The following MICU1 variants were observed in gnomAD, a reference collection of about 807,000 sequenced individuals.
MICU1 encodes mitochondrial calcium uptake 1, also known as calcium uptake protein 1, mitochondrial.
MICU1 carries 45 observed loss-of-function variants against 56.8 expected under a neutral mutation model. The observed-to-expected ratio is 0.79, with a 90% CI of 0.62 to 1.02. The LOEUF is 1.02. MICU1 is among the 50% of genes least tolerant of loss of function. The pLI is 0.00. For missense variants in MICU1, 504 were observed against 587.1 expected, an observed-to-expected ratio of 0.86 and a Z score of 1.46; for synonymous variants, 186 against 195.1, an observed-to-expected ratio of 0.95 and a Z score of 0.39.
chr10:72,529,686 C>T (rs766984512), intron 5 of MICU1, among the ~76,000 whole-genome samples: 1 of 151,920 alleles, frequency 6.6e-6, no homozygotes, highest in Non-Finnish European at 1.5e-5. Flanking sequence ...AAGAAGGCTA[C>T]AAACCACTTG....
At chr10:72,431,561 G>T (rs539046482) in intron 8 of MICU1, among the ~76,000 whole-genome samples, 1 of 152,162 alleles carries the variant, frequency 6.6e-6, no homozygotes, top group Non-Finnish European at 1.5e-5. Context: ...CAAGAGTTCT[G>T]AGACTAGGGT....
At chr10:72,440,854 C>A (rs1331698550) in intron 8 of MICU1, among the ~76,000 whole-genome samples, 2 of 152,124 alleles carry the variant, frequency 1.3e-5, no homozygotes, top group East Asian at 3.8e-4. Context: ...AATGAGATAC[C>A]ATCTCATGCC....
rs187702422 is a variant in MICU1 at position 72,419,892 on chromosome 10, T to C, written c.1071+3342A>G. Among the ~76,000 whole-genome samples the C allele has an allele frequency of 1.0e-3, 158 of 152,262 alleles. 1 individual carries two copies. Among genetic ancestry groups the C allele is most frequent in the Middle Eastern group, 0.01 (3 of 294 alleles). ...CCCAAATCTCGAATTGTAGCTCCCATAATGCACATGTGTCGTGGAAGGGAC... is the reference window on the plus strand; with the variant it reads ...CCCAAATCTCGAATTGTAGCTCCCACAATGCACATGTGTCGTGGAAGGGAC... On this transcript the variant is annotated intron_variant, in intron 9 of 11. Transcript: ENST00000361114.
chr10:72,575,654 G>A (rs1448756538), intron 1 of MICU1, among the ~76,000 whole-genome samples: 1 of 152,056 alleles, frequency 6.6e-6, no homozygotes, highest in Non-Finnish European at 1.5e-5. Context: ...TCATGATCTA[G>A]GATCAGTGAC....
intron 1 of MICU1, among the ~76,000 whole-genome samples, chr10:72,602,020 G>A (rs182881187): frequency 0.04 from 6,003 of 150,674 alleles, 390 homozygotes; most frequent in African/African-American, 0.13. Flanking sequence ...GGCTGGTCTC[G>A]AACTCCTGAC....
intron 1 of MICU1, among the ~76,000 whole-genome samples, chr10:72,578,768 C>G (rs887439576): frequency 6.6e-6 from 1 of 151,686 alleles, no homozygotes; most frequent in Non-Finnish European, 1.5e-5. Context: ...CCACCACACC[C>G]GGCTAATTTT....
chr10:72,432,945 C>T (rs1158098423), intron 8 of MICU1, among the ~76,000 whole-genome samples: 2 of 152,146 alleles, frequency 1.3e-5, no homozygotes, highest in African/African-American at 4.8e-5. Context: ...GGATCTTCTT[C>T]TTCCTTTATG....
rs1405742135 is a variant in MICU1 at position 72,547,346 on chromosome 10, T to C, written c.493+3833A>G. ...GAGCCACAGTACCCAGCCAATGCTC[T>C]AAATTAAAAGCTCAATGCAATTAAT... On this transcript the variant is annotated intron_variant, in intron 4 of 11. Transcript: ENST00000361114. Among the ~76,000 whole-genome samples, 6 of 152,080 alleles carry C rather than the reference T, an allele frequency of 3.9e-5. No individual in the cohort carries two copies. In the East Asian group the frequency reaches 1.2e-3, roughly 29 times the overall value.
At chr10:72,542,538 C>T (rs1236786747) in intron 4 of MICU1, among the ~76,000 whole-genome samples, 3 of 152,192 alleles carry the variant, frequency 2.0e-5, no homozygotes, top group Non-Finnish European at 4.4e-5. Flanking sequence ...CAGCCAACTG[C>T]TTTTGGGTGC....
intron 1 of MICU1, among the ~76,000 whole-genome samples, chr10:72,578,485 G>A (rs1044568922): frequency 1.3e-5 from 2 of 148,770 alleles, no homozygotes; most frequent in Non-Finnish European, 1.5e-5. Context: ...GGCGGGCCTC[G>A]AATTCCTGAC....
chr10:72,510,658 T>G (rs1867415078), intron 5 of MICU1, among the ~76,000 whole-genome samples: 1 of 151,986 alleles, frequency 6.6e-6, no homozygotes, highest in Non-Finnish European at 1.5e-5. Context: ...TTTATTTTTT[T>G]TTTGAGATGG....
In MICU1 at chr10:72,487,784, G is replaced by C. The variant is rs563268471; in HGVS notation, c.653-10528C>G. 9.2e-5 allele frequency among the ~76,000 whole-genome samples: 14 copies of C among 152,286 alleles called. No individual in the cohort carries two copies. The South Asian group carries it at 2.9e-3, about 32-fold the overall frequency. On this transcript the variant is annotated intron_variant, in intron 6 of 11. Coordinates refer to ENST00000361114, the MANE Select transcript of MICU1 (RefSeq NM_001195518.2). ...TCAACAAACAAGGGCAACTTTGTGA[G>C]AGCTTCAATGGGAAGTCATTAGACG...
chr10:72,474,974 C>G, intron 8 of MICU1, 126 bp downstream of exon 8: 1 of 745,658 alleles, frequency 1.3e-6, no homozygotes, highest in Middle Eastern at 3.6e-4. Flanking sequence ...GTTTATAAAG[C>G]ACTGATAAGC....
chr10:72,423,618 G>A (rs1864250695), intron 8 of MICU1, among the ~76,000 whole-genome samples: 1 of 152,142 alleles, frequency 6.6e-6, no homozygotes, highest in Non-Finnish European at 1.5e-5. Context: ...TAAGGTCTAG[G>A]AAAGATGAGG....
chr10:72,477,523 G>A (rs1162571464), intron 6 of MICU1: 1 of 1,535,590 alleles, frequency 6.5e-7, no homozygotes, highest in East Asian at 2.4e-5. Context: ...TGCCTTAAAT[G>A]ATTTAGCTTT....
chr10:72,569,221 A>T (rs1840529136), intron 1 of MICU1, among the ~76,000 whole-genome samples: 5 of 38,502 alleles, frequency 1.3e-4, no homozygotes, highest in African/African-American at 5.2e-4. Flanking sequence ...ATATATATAT[A>T]TATATATATA....
intron 6 of MICU1, among the ~76,000 whole-genome samples, chr10:72,482,697 T>C (rs1424003529): frequency 6.6e-6 from 1 of 152,002 alleles, no homozygotes; most frequent in African/African-American, 2.4e-5. Flanking sequence ...ATGATGGCCC[T>C]CTGAATACAT....
chr10:72,459,912 CTTTCATACCAATT>C (rs1420603008), intron 8 of MICU1, among the ~76,000 whole-genome samples: 1 of 152,206 alleles, frequency 6.6e-6, no homozygotes. Context: ...GAATTCTACT[CTTTCATACCAATT>C]GCCAAACTGC....
chr10:72,370,846 C>T lies in MICU1; in HGVS notation c.1271-2491G>A, dbSNP rs892392888. Among the ~76,000 whole-genome samples, 9 of 151,690 alleles carry T rather than the reference C, an allele frequency of 5.9e-5. No individual in the cohort carries two copies. In the South Asian group the frequency reaches 1.5e-3, roughly 25 times the overall value. ...CGGAGTTCAAGACCAGCCTGGCCAA[C>T]GTGGTAAACCCTGTCTCTACTAAAA... On this transcript the variant is annotated intron_variant, in intron 11 of 11. Coordinates refer to ENST00000361114, the MANE Select transcript of MICU1 (RefSeq NM_001195518.2).
Sources: gnomAD v4.1 joint callset for allele counts (sites outside exome capture counted in the v4.1 genomes callset) on GRCh38, gnomAD v4.1.1 for gene constraint, MANE v1.5 for transcripts, NCBI Gene and HGNC (gene_info 2026-07-23, HGNC 2026-07-21) for gene names.